Variants in HOMER3 observed in about 807,000 individuals in gnomAD.
HOMER3 encodes the protein homer scaffold protein 3.
A neutral mutation model predicts 45.5 loss-of-function variants in HOMER3; 34 were observed. The observed-to-expected ratio is 0.75, with a 90% CI of 0.57 to 1.00. The LOEUF is 1.00. Ranked by LOEUF, HOMER3 falls within the 50% of genes least tolerant of loss-of-function variation. HOMER3 has a pLI of 0.00. For missense variants in HOMER3, 480 were observed against 497.5 expected (o/e 0.96, Z 0.33); for synonymous variants, 223 against 208.8 (o/e 1.07, Z -0.58).
chr19:18,929,789 C>G (rs1372917469), intron 9 of HOMER3, among the ~76,000 whole-genome samples, 155 bp from the exon 10 acceptor site: 2 of 152,206 alleles, frequency 1.3e-5, no homozygotes, highest in South Asian at 4.1e-4. Context: ...CCACAGGGGC[C>G]TAGCTTCTGC....
intron 4 of HOMER3, among the ~76,000 whole-genome samples, chr19:18,936,467 T>C (rs950738113): frequency 4.6e-5 from 7 of 151,210 alleles, no homozygotes; most frequent in Admixed American, 1.3e-4. Context: ...TGAAACCCTG[T>C]CTCTGCTAAG....
At chr19:18,938,585 C>T in intron 3 of HOMER3, 101 bp from the exon 4 acceptor site, 2 of 1,517,084 alleles carry the variant, frequency 1.3e-6, no homozygotes, top group South Asian at 2.4e-5. Context: ...GGTCTTTACT[C>T]TGAACCCTTT....
Position 18,934,417 on chromosome 19 carries a change from G to C in HOMER3, c.304-7C>G, listed in dbSNP as rs779429471. On this transcript the variant is annotated splice_region_variant and splice_polypyrimidine_tract_variant and intron_variant, in intron 4 of 9. Coordinates refer to ENST00000392351, the MANE Select transcript of HOMER3 (RefSeq NM_004838.4). ...CCTGGAACTTCTCGGCAAACTAAGGGAGTGGGGAGGAAAAGACAGTAAAAC... is the reference window on the plus strand; with the variant it reads ...CCTGGAACTTCTCGGCAAACTAAGGCAGTGGGGAGGAAAAGACAGTAAAAC... The C allele has an allele frequency of 3.3e-5, 52 of 1,558,128 alleles. No individual in the cohort carries two copies. Among genetic ancestry groups the C allele is most frequent in the Non-Finnish European group, 4.2e-5 (48 of 1,149,898 alleles).
intron 7 of HOMER3, 144 bp from the exon 8 acceptor site, chr19:18,931,769 A>G (rs925032650): frequency 1.4e-6 from 2 of 1,472,188 alleles, no homozygotes; most frequent in Admixed American, 2.4e-5. Context: ...CCCCCTCTGC[A>G]CAGCTTGGAC....
rs780349520 is a variant in HOMER3, at chr19:18,931,606, T to G, written c.710A>C (p.Gln237Pro). The G allele has an allele frequency of 1.2e-5, 20 of 1,610,920 alleles. No homozygotes were observed. In the Admixed American group the frequency reaches 2.8e-4, roughly 23 times the overall value. Residue 237 changes from glutamine (Q) to proline (P), a missense_variant, in exon 8 of 10, where the codon CAG (glutamine) becomes CCG (proline). Gln to Pro is a moderately conservative substitution (Grantham distance 76, BLOSUM62 -1). Coordinates refer to ENST00000392351, the MANE Select transcript of HOMER3 (RefSeq NM_004838.4). ...LRQRVAELEA[Q>P]AASEVTPTGE... is the part of the protein sequence containing the mutation. The stretch of plus-strand genomic sequence containing the variant: ...GGTGGGGGTCACCTCTGAAGCTGCC[T>G]GAGCCTCCAGCTCAGCCACCTGTAG...
intron 5 of HOMER3, among the ~76,000 whole-genome samples, chr19:18,933,503 C>T (rs1252668571): frequency 6.6e-6 from 1 of 152,166 alleles, no homozygotes; most frequent in Non-Finnish European, 1.5e-5. Flanking sequence ...GACAAGCTGG[C>T]GGGTGCCCTG....
Position 18,939,069 on chromosome 19 carries a change from T to A in HOMER3, c.-67-20A>T. The A allele has an allele frequency of 7.5e-7, 1 of 1,333,688 alleles. No individual in the cohort carries two copies. 82.6% of individuals were successfully genotyped at this position (1,333,688 alleles called of 1,614,324 possible). A position where few individuals can be genotyped will look rare whatever the true frequency, so the allele number is the denominator to read the frequency against. On this transcript the variant is annotated intron_variant, in intron 1 of 9. Transcript: ENST00000392351. ...TGGCCCCTAGGGAGAGAGGAGGGAC[T>A]ATGAGTGTCCCTCAGGCCAGGCTGA...
chr19:18,932,091 A>C lies in HOMER3; in HGVS notation c.575T>G (p.Leu192Arg). ...EVQWEAEFFA[L>R]QDSNNKLAGA... ...TGCCAGCTTGTTGTTGCTGTCCTGCAGTGCGAAAAACTCGGCCTCCCACTG... is the reference window on the plus strand; with the variant it reads ...TGCCAGCTTGTTGTTGCTGTCCTGCCGTGCGAAAAACTCGGCCTCCCACTG... Residue 192 changes from leucine to arginine, a missense_variant, in exon 7 of 10, where the codon CTG becomes CGG. By Grantham distance (102) the Leu-to-Arg change is moderately radical. Transcript: ENST00000392351. 1 of 1,570,486 alleles carries C rather than the reference A, an allele frequency of 6.4e-7. No individual in the cohort carries two copies. Among genetic ancestry groups the C allele is most frequent in the South Asian group, 1.2e-5 (1 of 85,606 alleles).
chr19:18,934,625 T>C lies in HOMER3; in HGVS notation c.304-215A>G, dbSNP rs73529164. On this transcript the variant is annotated intron_variant, in intron 4 of 9. Transcript: ENST00000392351. ...TGGCATTTAAATACATTGGGCCACATTGAGAAAGGGAAAGGAATTCCCATG... is the reference window on the plus strand; with the variant it reads ...TGGCATTTAAATACATTGGGCCACACTGAGAAAGGGAAAGGAATTCCCATG... 0.024 allele frequency among the ~76,000 whole-genome samples: 3,584 copies of C among 152,260 alleles called. 148 individuals are homozygous for C. Among genetic ancestry groups the C allele is most frequent in the African/African-American group, 0.08 (3,326 of 41,534 alleles).
At chr19:18,934,469 C>A in intron 4 of HOMER3, 59 bp from the exon 5 acceptor site, 1 of 1,080,290 alleles carries the variant, frequency 9.3e-7, no homozygotes. Flanking sequence ...AAACAGGTCA[C>A]CATCACTCAG....
At chr19:18,932,185 C>G in intron 6 of HOMER3, 53 bp from the exon 7 acceptor site, 1 of 356,758 alleles carries the variant, frequency 2.8e-6, no homozygotes, top group South Asian at 5.3e-5. Flanking sequence ...GGGGCGGAGT[C>G]GGGCGATGCT....
rs754480091 is a variant in HOMER3, at chr19:18,939,003, G to A, written c.-21C>T. On this transcript the variant is annotated 5_prime_UTR_variant, in exon 2 of 10. Transcript: ENST00000392351. ...GACATTGGTCAGGCTGGGATGGGCAGGCTCTAGGGGGCAGCCAGAGAGGTG... is the reference window on the plus strand; with the variant it reads ...GACATTGGTCAGGCTGGGATGGGCAAGCTCTAGGGGGCAGCCAGAGAGGTG... The A allele has an allele frequency of 2.6e-5, 40 of 1,560,004 alleles. No individual in the cohort carries two copies. Among genetic ancestry groups the A allele is most frequent in the Non-Finnish European group, 3.4e-5 (39 of 1,153,676 alleles).
chr19:18,932,352 G>C (rs1210068942), intron 6 of HOMER3, among the ~76,000 whole-genome samples: 3 of 146,714 alleles, frequency 2.0e-5, no homozygotes, highest in Admixed American at 6.8e-5. Flanking sequence ...TGCTCGGTTA[G>C]GGGGCGGGGC....
intron 7 of HOMER3, 104 bp downstream of exon 7, chr19:18,931,872 A>G (rs937521876): frequency 1.4e-6 from 2 of 1,431,704 alleles, no homozygotes; most frequent in Non-Finnish European, 1.8e-6. Context: ...TGCTGAGGTC[A>G]CACAGCTAGT....
chr19:18,932,276 C>T (rs1009706867), intron 6 of HOMER3, 144 bp from the exon 7 acceptor site: 3 of 601,136 alleles, frequency 5.0e-6, no homozygotes, highest in Non-Finnish European at 7.1e-6. Flanking sequence ...GAGTCGTGCG[C>T]GAAGTTGGAC....
Position 18,931,331 on chromosome 19 carries a change from C to T in HOMER3, c.888G>A (p.Lys296=), listed in dbSNP as rs2057029148. The change falls in exon 9 of 10, where the codon AAG becomes AAA. Residue 296 remains lysine, a synonymous_variant. Transcript: ENST00000392351. ...EAAEREETQQ[K]VQDLETRNAE... ...TCCTTGTGCCCACACACACCTGCAC[C>T]TTCTGCTGAGTCTCCTCACGCTCGG... 6.2e-7 allele frequency: 1 copy of T among 1,614,088 alleles called. No individual in the cohort carries two copies.
At chr19:18,931,777 G>C in intron 7 of HOMER3, 152 bp from the exon 8 acceptor site, 11 of 1,465,416 alleles carry the variant, frequency 7.5e-6, no homozygotes, top group Non-Finnish European at 9.9e-6. Flanking sequence ...GCACAGCTTG[G>C]ACTTTAGTGT....
chr19:18,931,757 AC>A, intron 7 of HOMER3, 132 bp from the exon 8 acceptor site: 1 of 1,478,592 alleles, frequency 6.8e-7, no homozygotes, highest in Non-Finnish European at 8.9e-7. Context: ...TGGTGCCACC[AC>A]CCCCCTCTGC....
intron 3 of HOMER3, 23 bp downstream of exon 3, chr19:18,938,705 C>CCCCACCCCCAA: frequency 6.5e-7 from 1 of 1,532,702 alleles, no homozygotes; most frequent in African/African-American, 1.4e-5. Flanking sequence ...GGTGCCTCTG[C>CCCCACCCCCAA]CCCACCCAGA....
Sources: gnomAD v4.1 joint callset for allele counts (sites outside exome capture counted in the v4.1 genomes callset) on GRCh38, gnomAD v4.1.1 for gene constraint, MANE v1.5 for transcripts, NCBI Gene and HGNC (gene_info 2026-07-23, HGNC 2026-07-21) for gene names.